The following BACC1 variants were observed in gnomAD, a reference collection of about 807,000 sequenced individuals.
BACC1 encodes BPTF-associated chromatin complex component 1.
the BACC1 span, chr17:7,014,785 C>CTCCCTGCTCTCCGTGG: frequency 6.6e-7 from 1 of 1,516,162 alleles, no homozygotes; most frequent in Non-Finnish European, 8.8e-7. The surrounding 1 kb of genome is among the most constrained non-coding windows in gnomAD (Gnocchi z 4.5). Flanking sequence ...GCCGCTCAGT[C>CTCCCTGCTCTCCGTGG]TCCCTGCTCT....
chr17:7,015,996 T>C, the BACC1 span: 3 of 767,774 alleles, frequency 3.9e-6, no homozygotes, highest in Non-Finnish European at 6.4e-6. Flanking sequence ...TCACTAGTTT[T>C]TTAGAATCCC....
At chr17:7,015,580 A>T in the BACC1 span, 1 of 1,412,816 alleles carries the variant, frequency 7.1e-7, no homozygotes, top group African/African-American at 1.4e-5. Flanking sequence ...ATTTCTTGTG[A>T]TTGGGGTCCT....
At chr17:7,016,448 A>AGTCT in the BACC1 span, 1 of 1,581,658 alleles carries the variant, frequency 6.3e-7, no homozygotes, top group Non-Finnish European at 8.6e-7. Context: ...CTCTTCTGTT[A>AGTCT]GTCTCTCTGA....
At chr17:7,015,673 A>G in the BACC1 span, 1 of 1,375,682 alleles carries the variant, frequency 7.3e-7, no homozygotes, top group Non-Finnish European at 1.0e-6. Flanking sequence ...GGTCCCAGAA[A>G]TCGGAAGGAG....
chr17:7,015,751 TC>T, the BACC1 span: 3 of 1,603,564 alleles, frequency 1.9e-6, no homozygotes, highest in Admixed American at 1.7e-5. Context: ...ATTTTTGCTA[TC>T]CCCCCTCTCC....
At chr17:7,017,473 C>A in the BACC1 span, 2 of 743,022 alleles carry the variant, frequency 2.7e-6, no homozygotes, top group Non-Finnish European at 4.9e-6. Context: ...CTTTGACCTT[C>A]ATCTGATGGA....
chr17:7,015,442 C>T, the BACC1 span: 1 of 1,362,300 alleles, frequency 7.3e-7, no homozygotes. Flanking sequence ...TTCCCCCAGA[C>T]GGCTGCAGGC....
the BACC1 span, chr17:7,016,132 C>T: frequency 5.7e-6 from 3 of 525,230 alleles, no homozygotes; most frequent in Non-Finnish European, 1.0e-5. Context: ...GATGGAAGTC[C>T]CCTGGTTATT....
the BACC1 span, chr17:7,015,403 G>A: frequency 2.2e-6 from 3 of 1,367,878 alleles, no homozygotes; most frequent in Admixed American, 3.6e-5. Context: ...ACAAACCACC[G>A]CCACTCCCAA....
At chr17:7,016,402 T>C in the BACC1 span, 21 of 1,413,570 alleles carry the variant, frequency 1.5e-5, no homozygotes, top group Non-Finnish European at 1.8e-5. Context: ...TGGATTCTTA[T>C]GAAGGGACTC....
chr17:7,015,868 C>A, the BACC1 span: 8 of 1,613,876 alleles, frequency 5.0e-6, no homozygotes, highest in Non-Finnish European at 6.8e-6. Context: ...CATCAAGGAA[C>A]GGACAGTGTG....
chr17:7,017,446 G>A, the BACC1 span: 2 of 876,922 alleles, frequency 2.3e-6, no homozygotes, highest in South Asian at 1.3e-5. Flanking sequence ...TCCCGCATAA[G>A]CATCTGCCCC....
chr17:7,015,036 C>G, the BACC1 span: 1 of 1,472,480 alleles, frequency 6.8e-7, no homozygotes, highest in Non-Finnish European at 8.9e-7. Flanking sequence ...GGGCGCCGGC[C>G]CCCCGTGACG....
the BACC1 span, chr17:7,015,056 C>T: frequency 6.5e-7 from 1 of 1,529,798 alleles, no homozygotes; most frequent in African/African-American, 1.4e-5. Context: ...GCTGCCCCGC[C>T]CCCAGGTCGG....
the BACC1 span, chr17:7,017,174 A>C: frequency 6.3e-7 from 1 of 1,585,428 alleles, no homozygotes; most frequent in East Asian, 2.2e-5. Context: ...AGTACGTAGC[A>C]GGGTGTTTCA....
the BACC1 span, chr17:7,016,505 A>G: frequency 3.7e-6 from 6 of 1,613,302 alleles, no homozygotes; most frequent in Admixed American, 1.0e-4. Context: ...GGCCCAGATA[A>G]AGGCCACTGT....
At chr17:7,015,648 T>C in the BACC1 span, 1 of 1,322,980 alleles carries the variant, frequency 7.6e-7, no homozygotes, top group Non-Finnish European at 1.0e-6. Context: ...GACCTCTTTA[T>C]GCATCCGTGG....
the BACC1 span, chr17:7,017,055 G>A: frequency 6.3e-7 from 1 of 1,578,944 alleles, no homozygotes; most frequent in Non-Finnish European, 8.7e-7. Flanking sequence ...CGGGGTTGGG[G>A]AGAAAGGGCT....
At chr17:7,015,764 C>G in the BACC1 span, 1 of 1,613,492 alleles carries the variant, frequency 6.2e-7, no homozygotes, top group Non-Finnish European at 8.5e-7. Flanking sequence ...CCCCTCTCCC[C>G]TTCTGACAGT....
Sources: gnomAD v4.1 joint callset for allele counts on GRCh38, gnomAD v4.1.1 for gene constraint, Gnocchi (gnomAD v3.1) non-coding constraint, MANE v1.5 for transcripts, NCBI Gene and HGNC (gene_info 2026-07-23, HGNC 2026-07-21) for gene names.